Variants in GNAQ observed in about 807,000 individuals in gnomAD.
The protein encoded by GNAQ is guanine nucleotide-binding protein G(q) subunit alpha.
GNAQ carries 8 observed loss-of-function variants against 43.9 expected under a neutral mutation model. The ratio of observed to expected loss-of-function variants is 0.18; its 90% confidence interval spans 0.11 to 0.33. The LOEUF is 0.33. GNAQ is among the 10% of genes least tolerant of loss of function. The pLI is 1.00. For synonymous variants in GNAQ, 155 were observed against 170.7 expected (o/e 0.91, Z 0.71); for missense variants, 158 against 450.8 (o/e 0.35, Z 5.88).
At chr9:77,859,299 A>G (rs1362554777) in intron 2 of GNAQ, among the ~76,000 whole-genome samples, 2 of 152,230 alleles carry the variant, frequency 1.3e-5, no homozygotes, top group Non-Finnish European at 2.9e-5. Context: ...ATATTCTTAC[A>G]GTACATTTAG....
rs949757254 is a variant in GNAQ at position 77,866,408 on chromosome 9, C to T, written c.322-50638G>A. On this transcript the variant is annotated intron_variant, in intron 2 of 6. Transcript: ENST00000286548. Reference sequence around the variant, plus strand: ...AAGAGAATGGCTTGAACCCAGGAGGCGGAGGTTGCAGTAAGCTGAGTACTG... The same window carrying T: ...AAGAGAATGGCTTGAACCCAGGAGGTGGAGGTTGCAGTAAGCTGAGTACTG... 5.9e-5 allele frequency among the ~76,000 whole-genome samples: 9 copies of T among 151,920 alleles called. No homozygotes were observed. The East Asian group carries it at 1.6e-3, about 26-fold the overall frequency.
chr9:77,952,525 A>G (rs955821391), intron 1 of GNAQ, among the ~76,000 whole-genome samples: 1 of 152,214 alleles, frequency 6.6e-6, no homozygotes, highest in Non-Finnish European at 1.5e-5. Flanking sequence ...TTTATTCTTA[A>G]GTTTATTACA....
intron 2 of GNAQ, among the ~76,000 whole-genome samples, chr9:77,858,500 CTCAA>C (rs901995639): frequency 6.6e-6 from 1 of 152,120 alleles, no homozygotes; most frequent in African/African-American, 2.4e-5. Flanking sequence ...ATCACCCTCT[CTCAA>C]TCAATCTTCT....
chr9:77,934,444 C>T (rs907182694), intron 1 of GNAQ, among the ~76,000 whole-genome samples: 3 of 151,818 alleles, frequency 2.0e-5, no homozygotes, highest in Admixed American at 2.0e-4. Flanking sequence ...CTTTTACTCA[C>T]GTGGCTCTTC....
rs1370561017 is a variant in GNAQ at position 77,754,867 on chromosome 9, T to A, written c.736-26200A>T. On this transcript the variant is annotated intron_variant, in intron 5 of 6. Coordinates refer to ENST00000286548, the MANE Select transcript of GNAQ (RefSeq NM_002072.5). ...ATAGAGCTACCATATGATCCAGCAATGCAACTCCTAGGTATATACCCAAAA... is the reference window on the plus strand; with the variant it reads ...ATAGAGCTACCATATGATCCAGCAAAGCAACTCCTAGGTATATACCCAAAA... Among the ~76,000 whole-genome samples the A allele has an allele frequency of 3.3e-5, 5 of 152,292 alleles. No individual in the cohort carries two copies. In the East Asian group the frequency reaches 9.7e-4, roughly 29 times the overall value.
At chr9:77,747,974 T>C (rs921558881) in intron 5 of GNAQ, among the ~76,000 whole-genome samples, 15 of 152,184 alleles carry the variant, frequency 9.9e-5, no homozygotes, top group Admixed American at 6.5e-5. Context: ...ACATCATCCA[T>C]GTGAACATTC....
intron 1 of GNAQ, among the ~76,000 whole-genome samples, chr9:78,026,466 C>T (rs1186317620): frequency 6.6e-6 from 1 of 152,162 alleles, no homozygotes; most frequent in East Asian, 1.9e-4. Flanking sequence ...CATTCAGAAA[C>T]ATATTCAACA....
chr9:78,028,418 G>C (rs926007607), intron 1 of GNAQ, among the ~76,000 whole-genome samples: 1 of 152,016 alleles, frequency 6.6e-6, no homozygotes, highest in African/African-American at 2.4e-5. Context: ...CATCTAGTCA[G>C]GTACCCACTA....
intron 5 of GNAQ, among the ~76,000 whole-genome samples, chr9:77,761,131 C>G (rs1331178822): frequency 3.4e-5 from 5 of 145,898 alleles, no homozygotes; most frequent in Non-Finnish European, 4.7e-5. Context: ...GTCAGCCCCC[C>G]GCCCGGCCAG....
intron 2 of GNAQ, among the ~76,000 whole-genome samples, chr9:77,913,076 G>C (rs984021579): frequency 1.3e-5 from 2 of 152,172 alleles, no homozygotes; most frequent in African/African-American, 4.8e-5. Context: ...CTTACAGCTT[G>C]TGGGAATGTA....
At chr9:78,021,880 G>A (rs556731021) in intron 1 of GNAQ, among the ~76,000 whole-genome samples, 2 of 152,330 alleles carry the variant, frequency 1.3e-5, no homozygotes, top group East Asian at 1.9e-4. Context: ...GTCCTGAGCC[G>A]AGCAGCGCTG....
At chr9:77,974,116 A>T (rs755676062) in intron 1 of GNAQ, among the ~76,000 whole-genome samples, 1 of 152,152 alleles carries the variant, frequency 6.6e-6, no homozygotes. Context: ...TTCAGCACAC[A>T]CCAAGAATGA....
intron 2 of GNAQ, among the ~76,000 whole-genome samples, chr9:77,850,666 G>A (rs574391325): frequency 6.6e-6 from 1 of 152,232 alleles, no homozygotes; most frequent in African/African-American, 2.4e-5. Flanking sequence ...TTTAATCTTA[G>A]CAGTCACTCA....
chr9:77,887,518 G>A (rs139616947), intron 2 of GNAQ, among the ~76,000 whole-genome samples: 7 of 152,314 alleles, frequency 4.6e-5, no homozygotes, highest in East Asian at 1.9e-4. Flanking sequence ...GACAATAAGA[G>A]GTTCTGCAGT....
intron 1 of GNAQ, among the ~76,000 whole-genome samples, chr9:77,933,824 GATA>G (rs1829190224): frequency 6.6e-6 from 1 of 152,008 alleles, no homozygotes; most frequent in Non-Finnish European, 1.5e-5. Context: ...TTTTTTTCCA[GATA>G]ATAAAAAACG....
intron 1 of GNAQ, among the ~76,000 whole-genome samples, chr9:77,978,838 C>T (rs1041849969): frequency 6.6e-6 from 1 of 152,058 alleles, no homozygotes; most frequent in African/African-American, 2.4e-5. Context: ...GCGAGTGGAT[C>T]AATTGAGGTC....
intron 1 of GNAQ, among the ~76,000 whole-genome samples, chr9:78,001,798 T>TA (rs1823647205): frequency 6.6e-6 from 1 of 152,310 alleles, no homozygotes; most frequent in South Asian, 2.1e-4. Flanking sequence ...TTCAAGGCCT[T>TA]AAATTTAACC....
intron 2 of GNAQ, among the ~76,000 whole-genome samples, chr9:77,831,851 TTTTATGTATCTATA>T (rs1274527056): frequency 6.6e-5 from 10 of 152,336 alleles, no homozygotes; most frequent in African/African-American, 2.4e-4. Flanking sequence ...TCATGAACAC[TTTTATGTATCTATA>T]TACCTGCCTT....
chr9:77,908,900 T>C (rs1330302055), intron 2 of GNAQ, among the ~76,000 whole-genome samples: 3 of 152,200 alleles, frequency 2.0e-5, no homozygotes, highest in Non-Finnish European at 4.4e-5. Flanking sequence ...ATGATTTGTA[T>C]ACATATTCAA....
Sources: allele counts gnomAD v4.1 joint callset (sites outside exome capture counted in the v4.1 genomes callset), GRCh38; gene constraint gnomAD v4.1.1; transcripts MANE v1.5; gene names NCBI Gene and HGNC (gene_info 2026-07-23, HGNC 2026-07-21).